MMP16: variants seen among roughly 807,000 people sequenced by gnomAD.
MMP16 encodes matrix metalloproteinase-16.
Under a neutral mutation model 67.8 loss-of-function variants are expected in MMP16, and 12 were observed. That is an observed-to-expected ratio of 0.18 (90% CI 0.11 to 0.29). MMP16 has a LOEUF of 0.29. Ranked by LOEUF, MMP16 falls within the 10% of genes least tolerant of loss-of-function variation. The probability of loss-of-function intolerance (pLI) is 1.00; values close to 1 mark genes in which losing one functional copy is unlikely to be tolerated. For synonymous variants in MMP16, 249 were observed against 255.9 expected, an observed-to-expected ratio of 0.97 and a Z score of 0.26; for missense variants, 475 against 765.7, an observed-to-expected ratio of 0.62 and a Z score of 4.48.
chr8:88,291,548 G>GACA (rs1810926368), intron 1 of MMP16, among the ~76,000 whole-genome samples: 1 of 152,124 alleles, frequency 6.6e-6, no homozygotes, highest in Non-Finnish European at 1.5e-5. Context: ...TTCACTAGAA[G>GACA]TTAAAAAGTA....
chr8:88,041,158 C>G lies in MMP16; in HGVS notation c.*303G>C, dbSNP rs1808127736. 7.7e-6 allele frequency: 2 copies of G among 259,732 alleles called. No individual in the cohort carries two copies. Among genetic ancestry groups the G allele is most frequent in the Non-Finnish European group, 1.4e-5 (2 of 139,046 alleles). 16.1% of individuals were successfully genotyped at this position (259,732 alleles called of 1,614,324 possible). ...AAGAAGAATCTTTTCTTCTTTTTCT[C>G]CTCTTCTTTAGTTAATCCTGAAATT... On this transcript the variant is annotated 3_prime_UTR_variant, in exon 10 of 10. Transcript: ENST00000286614. This position sits in a 1 kb window ranked among gnomAD's most constrained non-coding sequence, Gnocchi z 6.0.
intron 3 of MMP16, among the ~76,000 whole-genome samples, chr8:88,168,608 C>T (rs952798442): frequency 6.6e-6 from 1 of 152,038 alleles, no homozygotes; most frequent in African/African-American, 2.4e-5. Flanking sequence ...TTTAGTTTGT[C>T]CTGATGCTAA....
At chr8:88,147,002 A>C (rs908223311) in intron 4 of MMP16, among the ~76,000 whole-genome samples, 15 of 152,056 alleles carry the variant, frequency 9.9e-5, no homozygotes, top group Non-Finnish European at 1.8e-4. Flanking sequence ...AAATTATTAT[A>C]AACTACAGAT....
chr8:88,234,703 T>C (rs1372152396), intron 1 of MMP16, among the ~76,000 whole-genome samples: 2 of 152,208 alleles, frequency 1.3e-5, no homozygotes, highest in African/African-American at 4.8e-5. Context: ...TTAACTACAG[T>C]GACTCCATAA....
chr8:88,138,148 C>T lies in MMP16; in HGVS notation c.710-19287G>A, dbSNP rs569444979. Reference sequence around the variant, plus strand: ...GGATGTCTGGCAATCTTACTGAATACCAGGCAGTGTGCATACATATTGGGG... The same window carrying T: ...GGATGTCTGGCAATCTTACTGAATATCAGGCAGTGTGCATACATATTGGGG... On this transcript the variant is annotated intron_variant, in intron 4 of 9. Coordinates refer to ENST00000286614, the MANE Select transcript of MMP16 (RefSeq NM_005941.5). Among the ~76,000 whole-genome samples, 3 of 151,968 alleles carry T rather than the reference C, an allele frequency of 2.0e-5. No individual in the cohort carries two copies. The East Asian group carries it at 5.8e-4, about 30-fold the overall frequency.
chr8:88,309,972 CCT>C (rs1301008923), intron 1 of MMP16, among the ~76,000 whole-genome samples: 1 of 151,994 alleles, frequency 6.6e-6, no homozygotes, highest in Non-Finnish European at 1.5e-5. Flanking sequence ...AGTGTATGCA[CCT>C]TTTTCCTCAT....
intron 1 of MMP16, among the ~76,000 whole-genome samples, chr8:88,233,634 C>A (rs13251664): frequency 0.72 from 109,847 of 152,106 alleles, 42,106 homozygotes; most frequent in Non-Finnish European, 0.88. Flanking sequence ...CCTTCCACTA[C>A]GGAAGCTGAG....
intron 3 of MMP16, 137 bp downstream of exon 3, chr8:88,186,339 A>G (rs1393712241): frequency 3.3e-5 from 39 of 1,173,150 alleles, no homozygotes; most frequent in Non-Finnish European, 4.7e-5. Flanking sequence ...CTCAATAGCA[A>G]TTTTAAATCT....
In MMP16 at chr8:88,263,103, GCCA is replaced by G. The variant is rs984177818; in HGVS notation, c.132+63969_132+63971del. ...GGAGTGTCGATACACCACTATCATT[GCCA>G]CCACATTTCTATATAAATTTATGAC... is the stretch of plus-strand genomic sequence containing the variant. On this transcript the variant is annotated intron_variant, in intron 1 of 9. Transcript: ENST00000286614. 5.3e-5 allele frequency among the ~76,000 whole-genome samples: 8 copies of G among 151,702 alleles called. 1 individual carries two copies. In the South Asian group the frequency reaches 1.2e-3, roughly 24 times the overall value.
At chr8:88,202,975 T>A (rs920181686) in intron 1 of MMP16, among the ~76,000 whole-genome samples, 4 of 152,128 alleles carry the variant, frequency 2.6e-5, no homozygotes, top group Non-Finnish European at 4.4e-5. Context: ...CAACTCGCCT[T>A]TATTTACTGG....
chr8:88,213,628 G>A (rs933354049), intron 1 of MMP16, among the ~76,000 whole-genome samples: 34 of 152,026 alleles, frequency 2.2e-4, no homozygotes, highest in Non-Finnish European at 4.6e-4. Context: ...ACAGTCATAA[G>A]ACTGATTTAC....
chr8:88,263,216 A>T (rs1376486611), intron 1 of MMP16, among the ~76,000 whole-genome samples: 1 of 152,088 alleles, frequency 6.6e-6, no homozygotes, highest in Non-Finnish European at 1.5e-5. Flanking sequence ...GTGCTCAAAA[A>T]CAAACATAAC....
At chr8:88,137,863 T>C (rs1223900140) in intron 4 of MMP16, among the ~76,000 whole-genome samples, 1 of 152,042 alleles carries the variant, frequency 6.6e-6, no homozygotes, top group Non-Finnish European at 1.5e-5. Flanking sequence ...CTAGTCTCTT[T>C]CAATTCACAT....
chr8:88,038,754 G>A lies in MMP16; in HGVS notation c.*2707C>T, dbSNP rs927350245. The A allele has an allele frequency of 3.9e-5, 6 of 152,528 alleles. No individual in the cohort carries two copies. Among genetic ancestry groups the A allele is most frequent in the Non-Finnish European group, 8.8e-5 (6 of 68,016 alleles). The allele number at this position is 152,528 out of a possible 1,614,324, so 9.4% of individuals were successfully genotyped here. On this transcript the variant is annotated 3_prime_UTR_variant, in exon 10 of 10. Transcript: ENST00000286614. This position sits in a 1 kb window ranked among gnomAD's most constrained non-coding sequence, Gnocchi z 4.1. The stretch of plus-strand genomic sequence containing the variant: ...CAGTGACTAACTCTTTATAATATCA[G>A]CATCATCTAGAATGGAAGCACTGAA...
chr8:88,150,838 A>T (rs1315941362), intron 4 of MMP16, among the ~76,000 whole-genome samples: 2 of 149,928 alleles, frequency 1.3e-5, no homozygotes, highest in Non-Finnish European at 1.5e-5. Flanking sequence ...CATCATAATG[A>T]CAGGATCAAA....
chr8:88,276,291 T>A (rs1313933914), intron 1 of MMP16, among the ~76,000 whole-genome samples: 1 of 152,212 alleles, frequency 6.6e-6, no homozygotes, highest in Admixed American at 6.5e-5. Flanking sequence ...TAAATGTATG[T>A]GTCAGTAAGT....
chr8:88,247,614 A>G (rs2129915783), intron 1 of MMP16, among the ~76,000 whole-genome samples: 1 of 152,238 alleles, frequency 6.6e-6, no homozygotes, highest in East Asian at 1.9e-4. Context: ...AATCCAGGAA[A>G]ATATGCACAA....
intron 6 of MMP16, among the ~76,000 whole-genome samples, chr8:88,109,723 C>T (rs1167275426): frequency 6.6e-6 from 1 of 151,068 alleles, no homozygotes; most frequent in Non-Finnish European, 1.5e-5. Context: ...AATGTAAAAG[C>T]ATTTTGAAGT....
chr8:88,303,106 C>T (rs1395611685), intron 1 of MMP16, among the ~76,000 whole-genome samples: 1 of 152,202 alleles, frequency 6.6e-6, no homozygotes, highest in Admixed American at 6.5e-5. Context: ...CTCAGGCACA[C>T]ACAGAGACCC....
Sources: allele counts gnomAD v4.1 joint callset (sites outside exome capture counted in the v4.1 genomes callset), GRCh38; gene constraint gnomAD v4.1.1; non-coding constraint Gnocchi (gnomAD v3.1); transcripts MANE v1.5; gene names NCBI Gene and HGNC (gene_info 2026-07-23, HGNC 2026-07-21).